RANBP17: variants seen among roughly 807,000 people sequenced by gnomAD.
The protein encoded by RANBP17 is RAN binding protein 17.
A neutral mutation model predicts 141.2 loss-of-function variants in RANBP17; 158 were observed. That is an observed-to-expected ratio of 1.12 (90% CI 0.98 to 1.28). The LOEUF is 1.28. RANBP17 is among the 50% of genes most tolerant of loss of function. RANBP17 has a pLI of 0.00. For synonymous variants in RANBP17, 430 were observed against 450.0 expected (o/e 0.96, Z 0.56); for missense variants, 1,438 against 1,290.7 (o/e 1.11, Z -1.75).
chr5:171,063,600 G>C (rs571051598), intron 14 of RANBP17, among the ~76,000 whole-genome samples: 1 of 152,330 alleles, frequency 6.6e-6, no homozygotes, highest in Middle Eastern at 3.4e-3. Flanking sequence ...TAGGCTGCTC[G>C]GGGGTCAGGG....
chr5:171,032,577 T>C (rs1009108661), intron 14 of RANBP17, among the ~76,000 whole-genome samples: 8 of 152,130 alleles, frequency 5.3e-5, no homozygotes, highest in Non-Finnish European at 1.0e-4. Context: ...TATATCTGTA[T>C]AGTGAAATAT....
intron 14 of RANBP17, among the ~76,000 whole-genome samples, chr5:171,079,983 A>G (rs1013872972): frequency 2.0e-5 from 3 of 152,196 alleles, no homozygotes; most frequent in Non-Finnish European, 2.9e-5. Flanking sequence ...CTAGCTTGAG[A>G]GTGAATGAAA....
intron 14 of RANBP17, among the ~76,000 whole-genome samples, chr5:171,039,244 G>GTTTTTT (rs1782086958): frequency 3.3e-5 from 3 of 90,186 alleles, no homozygotes; most frequent in Non-Finnish European, 4.9e-5. Flanking sequence ...TTCTGTTGTT[G>GTTTTTT]GTTTTTTTTT....
intron 14 of RANBP17, among the ~76,000 whole-genome samples, chr5:171,165,216 C>CT (rs1759607157): frequency 6.6e-6 from 1 of 152,098 alleles, no homozygotes; most frequent in South Asian, 2.1e-4. Flanking sequence ...GAGTCTCGCT[C>CT]TGTCACCCAG....
At chr5:171,287,450 A>G (rs987148636) in intron 25 of RANBP17, among the ~76,000 whole-genome samples, 4 of 151,088 alleles carry the variant, frequency 2.6e-5, no homozygotes, top group African/African-American at 7.3e-5. Flanking sequence ...AGATCACAAC[A>G]TTGCACTCCA....
intron 5 of RANBP17, chr5:170,904,057 A>G (rs1026810196): frequency 1.3e-5 from 6 of 465,240 alleles, no homozygotes; most frequent in Non-Finnish European, 2.5e-5. Context: ...GACCCTAAAC[A>G]TAGTCTTTAC....
At chr5:171,157,954 A>G (rs1303795590) in intron 14 of RANBP17, among the ~76,000 whole-genome samples, 22 of 152,200 alleles carry the variant, frequency 1.4e-4, no homozygotes, top group Admixed American at 1.4e-3. Flanking sequence ...CAGGCAGTTT[A>G]GTGCTATGGT....
intron 24 of RANBP17, among the ~76,000 whole-genome samples, chr5:171,250,830 C>A (rs1407889354): frequency 1.3e-5 from 2 of 152,116 alleles, no homozygotes; most frequent in African/African-American, 2.4e-5. Flanking sequence ...ACTGGAACAC[C>A]TGGATTCCTA....
intron 25 of RANBP17, among the ~76,000 whole-genome samples, chr5:171,281,006 A>AACACC (rs1428822644): frequency 6.6e-6 from 1 of 152,162 alleles, no homozygotes; most frequent in Non-Finnish European, 1.5e-5. Flanking sequence ...CTTGGAGGAT[A>AACACC]ACACCACCTC....
At position 170,977,450 on chromosome 5, in the gene RANBP17, G is replaced by A. The variant is rs555298408; in HGVS notation, c.1710+9073G>A. ...AAAACAGTCTGGCAGTTCTTCAAAAGGTTAAACATAGAGTTACCATGATTC... is the reference window on the plus strand; with the variant it reads ...AAAACAGTCTGGCAGTTCTTCAAAAAGTTAAACATAGAGTTACCATGATTC... On this transcript the variant is annotated intron_variant, in intron 14 of 27. Transcript: ENST00000523189. 5.9e-5 allele frequency among the ~76,000 whole-genome samples: 9 copies of A among 152,066 alleles called. No homozygotes were observed. In the East Asian group the frequency reaches 1.7e-3, roughly 29 times the overall value.
intron 12 of RANBP17, among the ~76,000 whole-genome samples, chr5:170,928,679 C>T (rs1049002356): frequency 2.6e-5 from 4 of 151,848 alleles, no homozygotes; most frequent in Non-Finnish European, 5.9e-5. Context: ...TACCACTGAT[C>T]TATATATGTT....
At chr5:170,864,266 A>G (rs1363373840) in intron 1 of RANBP17, among the ~76,000 whole-genome samples, 1 of 152,196 alleles carries the variant, frequency 6.6e-6, no homozygotes, top group African/African-American at 2.4e-5. Flanking sequence ...AAATTATACC[A>G]TCAAGATGAT....
chr5:170,940,244 TATCAAACAAAA>T (rs1774219143), intron 12 of RANBP17, among the ~76,000 whole-genome samples: 1 of 152,184 alleles, frequency 6.6e-6, no homozygotes, highest in Non-Finnish European at 1.5e-5. Context: ...TCATTGTTAA[TATCAAACAAAA>T]ATGACTTGAA....
intron 14 of RANBP17, among the ~76,000 whole-genome samples, chr5:171,067,204 T>G (rs1784361730): frequency 6.6e-6 from 1 of 152,096 alleles, no homozygotes; most frequent in Non-Finnish European, 1.5e-5. Flanking sequence ...GTCCATGGGG[T>G]TTACACTAAA....
At chr5:171,019,367 A>G (rs1039163767) in intron 14 of RANBP17, among the ~76,000 whole-genome samples, 1 of 151,924 alleles carries the variant, frequency 6.6e-6, no homozygotes, top group African/African-American at 2.4e-5. Flanking sequence ...GTAGAATTCA[A>G]CTGTGAATCC....
intron 3 of RANBP17, among the ~76,000 whole-genome samples, chr5:170,889,845 G>A (rs1468301096): frequency 6.6e-6 from 1 of 152,098 alleles, no homozygotes; most frequent in Non-Finnish European, 1.5e-5. Flanking sequence ...TTGTACCAGT[G>A]AGGAGGAGAT....
At chr5:170,967,254 A>G (rs79604530) in intron 13 of RANBP17, among the ~76,000 whole-genome samples, 3,049 of 152,212 alleles carry the variant, frequency 0.02, 92 homozygotes, top group African/African-American at 0.068. Flanking sequence ...ATTTGCCTGT[A>G]CATACATAAA....
intron 14 of RANBP17, among the ~76,000 whole-genome samples, chr5:171,166,897 A>C (rs918137872): frequency 6.6e-6 from 1 of 152,218 alleles, no homozygotes; most frequent in African/African-American, 2.4e-5. Context: ...TCAGTAGATC[A>C]GATAAGTGGA....
At chr5:171,223,437 C>A (rs1763692381) in intron 22 of RANBP17, among the ~76,000 whole-genome samples, 1 of 152,166 alleles carries the variant, frequency 6.6e-6, no homozygotes, top group African/African-American at 2.4e-5. Flanking sequence ...AGTTCGAGAC[C>A]ATCCTGGCTA....
Sources: allele counts gnomAD v4.1 joint callset (sites outside exome capture counted in the v4.1 genomes callset), GRCh38; gene constraint gnomAD v4.1.1; transcripts MANE v1.5; gene names NCBI Gene and HGNC (gene_info 2026-07-23, HGNC 2026-07-21).